Variants in RBFOX1 observed in about 807,000 individuals in gnomAD.
The protein encoded by RBFOX1 is RNA binding fox-1 homolog 1.
A neutral mutation model predicts 57.7 loss-of-function variants in RBFOX1; 8 were observed. The observed-to-expected ratio is 0.14, with a 90% CI of 0.08 to 0.25. RBFOX1 has a LOEUF of 0.25. Ranked by LOEUF, RBFOX1 falls within the 10% of genes least tolerant of loss-of-function variation. The probability of loss-of-function intolerance (pLI) is 1.00; values close to 1 mark genes in which losing one functional copy is unlikely to be tolerated. For missense variants in RBFOX1, 611 were observed against 548.5 expected (o/e 1.11, Z -1.14); for synonymous variants, 326 against 222.4 (o/e 1.47, Z -4.15).
chr16:7,000,302 T>C (rs898681081), intron 3 of RBFOX1, among the ~76,000 whole-genome samples: 4 of 152,100 alleles, frequency 2.6e-5, no homozygotes, highest in African/African-American at 9.7e-5. Flanking sequence ...TTATCAGAAA[T>C]TTAAACATGA....
chr16:6,760,169 T>C (rs1427953654), intron 3 of RBFOX1, among the ~76,000 whole-genome samples: 1 of 152,186 alleles, frequency 6.6e-6, no homozygotes, highest in Non-Finnish European at 1.5e-5. Flanking sequence ...AAGATAAGCA[T>C]CGCTATGTTT....
At chr16:6,843,423 T>C (rs988784582) in intron 3 of RBFOX1, among the ~76,000 whole-genome samples, 1 of 152,132 alleles carries the variant, frequency 6.6e-6, no homozygotes, top group Non-Finnish European at 1.5e-5. Context: ...ACATGGTGGC[T>C]TACACCTGTA....
intron 3 of RBFOX1, among the ~76,000 whole-genome samples, chr16:6,806,132 G>T (rs529076842): frequency 7.3e-4 from 111 of 152,274 alleles, no homozygotes; most frequent in African/African-American, 2.4e-3. Flanking sequence ...AGATGATTTA[G>T]AGTGGAATTA....
chr16:7,008,645 C>T (rs1157807195), intron 3 of RBFOX1, among the ~76,000 whole-genome samples: 1 of 75,560 alleles, frequency 1.3e-5, no homozygotes. Flanking sequence ...TCCCTCCCTT[C>T]CTTCCTCCTC....
At chr16:7,330,119 A>G (rs118140693) in intron 4 of RBFOX1, among the ~76,000 whole-genome samples, 1 of 152,254 alleles carries the variant, frequency 6.6e-6, no homozygotes, top group East Asian at 1.9e-4. Flanking sequence ...ATGCCATTAT[A>G]TATACAGTCA....
chr16:6,684,638 G>A (rs185600949), intron 3 of RBFOX1, among the ~76,000 whole-genome samples: 2 of 152,292 alleles, frequency 1.3e-5, no homozygotes, highest in East Asian at 1.9e-4. Flanking sequence ...ACTGGAATGG[G>A]AGGTGGCTTC....
intron 2 of RBFOX1, among the ~76,000 whole-genome samples, chr16:6,590,369 C>T (rs929324453): frequency 1.3e-5 from 2 of 152,140 alleles, no homozygotes; most frequent in Non-Finnish European, 2.9e-5. Flanking sequence ...TTCCCACCTC[C>T]CTGGGGTTTT....
chr16:7,361,861 G>A (rs1187127880), intron 4 of RBFOX1, among the ~76,000 whole-genome samples: 9 of 149,520 alleles, frequency 6.0e-5, no homozygotes, highest in Admixed American at 2.0e-4. Flanking sequence ...GTGTCTGTGT[G>A]TTAGTGCGTG....
chr16:6,649,985 T>G (rs911623167), intron 2 of RBFOX1, among the ~76,000 whole-genome samples: 2 of 152,190 alleles, frequency 1.3e-5, no homozygotes, highest in African/African-American at 2.4e-5. Context: ...GGTATTCAGT[T>G]TGATTCCCTA....
At chr16:5,717,661 T>C (rs776227707) in intron 3 of RBFOX1, among the ~76,000 whole-genome samples, 10 of 152,168 alleles carry the variant, frequency 6.6e-5, no homozygotes, top group Middle Eastern at 3.2e-3. Context: ...GTCCTCCAGC[T>C]CCATCCAAGT....
At chr16:7,131,724 AC>A (rs1360014280) in intron 4 of RBFOX1, among the ~76,000 whole-genome samples, 1 of 151,970 alleles carries the variant, frequency 6.6e-6, no homozygotes, top group Admixed American at 6.6e-5. Context: ...CATACATCTG[AC>A]CAGAGGCTCT....
At chr16:5,999,614 C>T (rs1019179743) in intron 4 of RBFOX1, among the ~76,000 whole-genome samples, 2 of 152,148 alleles carry the variant, frequency 1.3e-5, no homozygotes, top group African/African-American at 4.8e-5. Flanking sequence ...GTAATCCCGG[C>T]ACTTTGGGAG....
At chr16:7,619,337 T>C (rs1205515409) in intron 10 of RBFOX1, among the ~76,000 whole-genome samples, 3 of 152,166 alleles carry the variant, frequency 2.0e-5, no homozygotes, top group Non-Finnish European at 2.9e-5. Flanking sequence ...AGCTGAAATA[T>C]TATGTTTGTT....
intron 1 of RBFOX1, among the ~76,000 whole-genome samples, chr16:6,211,828 A>G (rs117204325): frequency 0.02 from 2,860 of 141,412 alleles, 46 homozygotes; most frequent in Non-Finnish European, 0.03. Context: ...TCTTTTATTT[A>G]TTTATTTATT....
intron 1 of RBFOX1, among the ~76,000 whole-genome samples, chr16:6,119,932 C>T (rs2096536240): frequency 6.6e-6 from 1 of 152,210 alleles, no homozygotes; most frequent in African/African-American, 2.4e-5. Context: ...TAAGCAGTCA[C>T]TCTTATTCCT....
chr16:6,250,675 G>A (rs568885585), intron 1 of RBFOX1, among the ~76,000 whole-genome samples: 1 of 152,248 alleles, frequency 6.6e-6, no homozygotes, highest in Admixed American at 6.5e-5. Context: ...AGTCGGGGAA[G>A]CCTGCCGGCT....
intron 2 of RBFOX1, among the ~76,000 whole-genome samples, chr16:6,521,190 T>C (rs987891804): frequency 6.6e-6 from 1 of 152,108 alleles, no homozygotes; most frequent in Non-Finnish European, 1.5e-5. Context: ...ACAATGGGTA[T>C]TGCTTAAATT....
intron 3 of RBFOX1, among the ~76,000 whole-genome samples, chr16:6,771,096 A>G (rs1360588089): frequency 1.3e-5 from 2 of 152,090 alleles, no homozygotes; most frequent in African/African-American, 4.8e-5. Context: ...TGTCCTTATA[A>G]GAAGAAAAAA....
chr16:7,398,889 T>TA lies in RBFOX1; in HGVS notation c.28-119257dup, dbSNP rs1003885349. Among the ~76,000 whole-genome samples, 4 of 152,210 alleles carry TA rather than the reference T, an allele frequency of 2.6e-5. 1 individual carries two copies. Among genetic ancestry groups the TA allele is most frequent in the Admixed American group, 1.3e-4 (2 of 15,276 alleles). On this transcript the variant is annotated intron_variant, in intron 4 of 15. Transcript: ENST00000550418. The stretch of plus-strand genomic sequence containing the variant: ...GGCTAGAGGGTTCCCTATTCATTCA[T>TA]ACGGCTACTGTAACAAATGCCCACA...
Sources: gnomAD v4.1 joint callset for allele counts (sites outside exome capture counted in the v4.1 genomes callset) on GRCh38, gnomAD v4.1.1 for gene constraint, MANE v1.5 for transcripts, NCBI Gene and HGNC (gene_info 2026-07-23, HGNC 2026-07-21) for gene names.